FBXL13: variants seen among roughly 807,000 people sequenced by gnomAD.
FBXL13 encodes the protein F-box and leucine-rich repeat protein 13.
Under a neutral mutation model 83.6 loss-of-function variants are expected in FBXL13, and 67 were observed. The observed-to-expected ratio is 0.80, with a 90% CI of 0.66 to 0.98. The LOEUF (loss-of-function observed/expected upper bound fraction) is 0.98, where lower values mean the gene tolerates loss of function less well. FBXL13 is among the 50% of genes least tolerant of loss of function. The probability of loss-of-function intolerance (pLI) is 0.00; values close to 1 mark genes in which losing one functional copy is unlikely to be tolerated. For missense variants in FBXL13, 822 were observed against 866.5 expected, an observed-to-expected ratio of 0.95 and a Z score of 0.64; for synonymous variants, 272 against 299.5, an observed-to-expected ratio of 0.91 and a Z score of 0.95.
At chr7:103,028,796 C>T in intron 3 of FBXL13, 48 bp from the exon 5 acceptor site, 2 of 1,407,790 alleles carry the variant, frequency 1.4e-6, no homozygotes, top group Middle Eastern at 1.9e-4. Context: ...GATATTAGGG[C>T]AATATATCAT....
Position 102,906,266 on chromosome 7 carries a change from C to T in FBXL13, c.1008+6820G>A, listed in dbSNP as rs560312570. ...CTATGCTTTAACTTTGTCCCCCTGC[C>T]CCACTTTTTAACTTTTTGATGCTTC... is the stretch of plus-strand genomic sequence containing the variant. On this transcript the variant is annotated intron_variant, in intron 11 of 19. Transcript: ENST00000313221. 4.6e-5 allele frequency among the ~76,000 whole-genome samples: 7 copies of T among 152,216 alleles called. No individual in the cohort carries two copies. The East Asian group carries it at 1.2e-3, about 25-fold the overall frequency.
rs1377912010 is a variant in FBXL13 at position 102,884,200 on chromosome 7, TCC to T, written c.1107+12_1107+13del. ...TATGGGACAGAAAAGTAAAGGTACT[TCC>T]CAACTACCTACTTTTACACAGTTGT... is the stretch of plus-strand genomic sequence containing the variant. On this transcript the variant is annotated intron_variant, in intron 12 of 19. Coordinates refer to ENST00000313221, the Ensembl canonical transcript of FBXL13. 8 of 1,590,552 alleles carry T rather than the reference TCC, an allele frequency of 5.0e-6. No individual in the cohort carries two copies. The highest frequency in any genetic ancestry group is 6.9e-6 in the Non-Finnish European group (8 of 1,158,902).
chr7:102,926,231 A>G, intron 10 of FBXL13, 43 bp downstream of exon 11: 1 of 1,547,448 alleles, frequency 6.5e-7, no homozygotes, highest in Non-Finnish European at 8.9e-7. Flanking sequence ...AGACTTTGGG[A>G]GCATAATTTT....
At chr7:103,070,208 T>C (rs984503186) in intron 1 of FBXL13, among the ~76,000 whole-genome samples, 1 of 151,582 alleles carries the variant, frequency 6.6e-6, no homozygotes, top group African/African-American at 2.4e-5. Context: ...TAACAAACAA[T>C]GATTTAATTT....
chr7:102,938,379 AT>A (rs1339363528), intron 8 of FBXL13, among the ~76,000 whole-genome samples: 1 of 152,186 alleles, frequency 6.6e-6, no homozygotes. Flanking sequence ...AGGGCCATTT[AT>A]GTCTCTTTTC....
chr7:103,056,371 G>C (rs529612840), intron 1 of FBXL13, among the ~76,000 whole-genome samples: 1 of 152,040 alleles, frequency 6.6e-6, no homozygotes, highest in South Asian at 2.1e-4. Flanking sequence ...TTTCCTCTGG[G>C]TAGATACCCA....
intron 17 of FBXL13, among the ~76,000 whole-genome samples, chr7:102,844,972 G>A (rs956262028): frequency 1.3e-5 from 2 of 152,206 alleles, no homozygotes; most frequent in Non-Finnish European, 2.9e-5. Flanking sequence ...AGGGCTAGGT[G>A]TAGAGGTCCT....
chr7:102,825,416 A>G (rs1799457538), intron 18 of FBXL13, among the ~76,000 whole-genome samples: 1 of 152,198 alleles, frequency 6.6e-6, no homozygotes, highest in African/African-American at 2.4e-5. Context: ...GTTGCCTTGG[A>G]ATTCTGCAGA....
At chr7:102,867,025 A>G (rs1211379101) in intron 16 of FBXL13, among the ~76,000 whole-genome samples, 2 of 152,186 alleles carry the variant, frequency 1.3e-5, no homozygotes, top group Non-Finnish European at 2.9e-5. Context: ...GCCTGCCCAG[A>G]AATTCTAGGA....
At chr7:103,005,264 T>C (rs1313294366) in intron 6 of FBXL13, among the ~76,000 whole-genome samples, 1 of 152,006 alleles carries the variant, frequency 6.6e-6, no homozygotes, top group East Asian at 1.9e-4. Context: ...GAAGCAAAAG[T>C]AGGTACAGAG....
At chr7:102,971,722 ACT>A (rs1490569075) in intron 6 of FBXL13, among the ~76,000 whole-genome samples, 1 of 151,630 alleles carries the variant, frequency 6.6e-6, no homozygotes, top group Non-Finnish European at 1.5e-5. Flanking sequence ...ACATAGCAAG[ACT>A]CTGTCTCTAA....
chr7:103,016,400 G>A (rs1402955847), intron 6 of FBXL13, among the ~76,000 whole-genome samples: 4 of 152,000 alleles, frequency 2.6e-5, no homozygotes, highest in African/African-American at 4.8e-5. Context: ...CGCAGAAGAC[G>A]GGTGATTTCT....
chr7:102,934,589 G>C, intron 8 of FBXL13: 1 of 1,614,086 alleles, frequency 6.2e-7, no homozygotes, highest in Non-Finnish European at 8.5e-7. Flanking sequence ...GAAACCCCAA[G>C]TGTCAGGGAG....
At chr7:102,832,104 G>A (rs951652664) in intron 18 of FBXL13, among the ~76,000 whole-genome samples, 4 of 152,184 alleles carry the variant, frequency 2.6e-5, no homozygotes, top group African/African-American at 9.6e-5. Flanking sequence ...CGATGGTTAT[G>A]TCCAGGTGGT....
intron 1 of FBXL13, among the ~76,000 whole-genome samples, chr7:103,062,200 GGT>G (rs1169063295): frequency 6.6e-6 from 1 of 152,042 alleles, no homozygotes; most frequent in Non-Finnish European, 1.5e-5. Flanking sequence ...ACAATCACTA[GGT>G]GTATCTGCTT....
intron 6 of FBXL13, among the ~76,000 whole-genome samples, chr7:103,007,916 G>T (rs1791155743): frequency 6.6e-6 from 1 of 152,134 alleles, no homozygotes; most frequent in Non-Finnish European, 1.5e-5. Flanking sequence ...CTCAAGAAGG[G>T]TGAGGAGAGT....
intron 17 of FBXL13, chr7:102,834,816 T>C (rs1801574645): frequency 6.6e-6 from 1 of 151,936 alleles, no homozygotes; most frequent in Admixed American, 6.6e-5. Context: ...GTTCTCACCA[T>C]AAAAAGTATC....
At chr7:102,975,891 G>A (rs1427255374) in intron 6 of FBXL13, 2 of 744,260 alleles carry the variant, frequency 2.7e-6, no homozygotes, top group East Asian at 2.5e-5. Flanking sequence ...CCTCCATCAG[G>A]GGCCCTGCAG....
chr7:102,839,897 C>G (rs1310414737), intron 17 of FBXL13, among the ~76,000 whole-genome samples: 1 of 151,948 alleles, frequency 6.6e-6, no homozygotes, highest in East Asian at 1.9e-4. Flanking sequence ...ATTTCTAGAA[C>G]TTTCAATATT....
Sources: allele counts gnomAD v4.1 joint callset (sites outside exome capture counted in the v4.1 genomes callset), GRCh38; gene constraint gnomAD v4.1.1; transcripts MANE v1.5; gene names NCBI Gene and HGNC (gene_info 2026-07-23, HGNC 2026-07-21).